The following RMDN2 variants were observed in gnomAD, a reference collection of about 807,000 sequenced individuals.
RMDN2 encodes regulator of microtubule dynamics protein 2.
Under a neutral mutation model 52.8 loss-of-function variants are expected in RMDN2, and 61 were observed. The observed-to-expected ratio is 1.16, with a 90% CI of 0.94 to 1.43. RMDN2 has a LOEUF of 1.43. Ranked by LOEUF, RMDN2 falls within the 40% of genes most tolerant of loss-of-function variation. RMDN2 has a pLI of 0.00. For missense variants in RMDN2, 592 were observed against 475.3 expected (o/e 1.25, Z -2.28); for synonymous variants, 180 against 153.1 (o/e 1.18, Z -1.30).
intron 2 of RMDN2, among the ~76,000 whole-genome samples, chr2:37,941,976 G>A (rs909032592): frequency 4.6e-5 from 7 of 152,006 alleles, no homozygotes; most frequent in East Asian, 1.9e-4. Flanking sequence ...CAGCTAGCTC[G>A]GTATCTGCCC....
chr2:37,971,949 A>G (rs143342127), intron 2 of RMDN2, among the ~76,000 whole-genome samples: 1 of 152,316 alleles, frequency 6.6e-6, no homozygotes, highest in East Asian at 1.9e-4. Context: ...GAATTCACAT[A>G]TTTATGATAT....
At chr2:37,936,720 GC>G (rs887593878) in intron 2 of RMDN2, among the ~76,000 whole-genome samples, 10 of 152,098 alleles carry the variant, frequency 6.6e-5, no homozygotes, top group Non-Finnish European at 1.5e-5. Context: ...TATATCCTTT[GC>G]CCACTTTTTG....
At chr2:38,031,522 A>C (rs1680203665) in intron 10 of RMDN2, among the ~76,000 whole-genome samples, 2 of 152,108 alleles carry the variant, frequency 1.3e-5, no homozygotes, top group African/African-American at 4.8e-5. Context: ...TTTACATTTC[A>C]TAAAGTAGTT....
chr2:37,964,009 G>C (rs538603895), intron 2 of RMDN2, among the ~76,000 whole-genome samples: 1 of 147,444 alleles, frequency 6.8e-6, no homozygotes, highest in Non-Finnish European at 1.5e-5. Flanking sequence ...CCTCCCTCCC[G>C]GACGGGGCGG....
Position 37,959,926 on chromosome 2 carries a change from G to A in RMDN2, c.453-14114G>A, listed in dbSNP as rs1226397441. 2.0e-5 allele frequency among the ~76,000 whole-genome samples: 3 copies of A among 151,438 alleles called. No homozygotes were observed. In the South Asian group the frequency reaches 6.2e-4, roughly 31 times the overall value. Reference sequence around the variant, plus strand: ...TCACCCAGTAGTGATTCAGGAGCATGTTTTTCCATTTCCATGTAGTTGTGC... The same window carrying A: ...TCACCCAGTAGTGATTCAGGAGCATATTTTTCCATTTCCATGTAGTTGTGC... On this transcript the variant is annotated intron_variant, in intron 2 of 10. Transcript: ENST00000354545.
intron 10 of RMDN2, among the ~76,000 whole-genome samples, chr2:38,052,385 T>C (rs1483896740): frequency 2.0e-5 from 3 of 152,240 alleles, no homozygotes; most frequent in Non-Finnish European, 4.4e-5. Flanking sequence ...GGTGGTTTTC[T>C]TTCTGTTTTG....
chr2:38,042,826 T>C (rs754807484), intron 10 of RMDN2, among the ~76,000 whole-genome samples: 23 of 152,344 alleles, frequency 1.5e-4, no homozygotes, highest in Admixed American at 2.6e-4. Flanking sequence ...CTTTCTGTTA[T>C]TCATTTTTAG....
At chr2:37,992,890 C>T (rs1191454589) in intron 7 of RMDN2, among the ~76,000 whole-genome samples, 1 of 152,012 alleles carries the variant, frequency 6.6e-6, no homozygotes, top group Non-Finnish European at 1.5e-5. Context: ...GAACAGGATT[C>T]AAACACAAGC....
intron 1 of RMDN2, chr2:37,928,969 A>G (rs1447291177): frequency 1.1e-5 from 2 of 187,272 alleles, no homozygotes; most frequent in East Asian, 1.4e-4. Flanking sequence ...TTTTATCTCT[A>G]TTATTGTCTT....
At chr2:38,043,383 A>G (rs1284955975) in intron 10 of RMDN2, among the ~76,000 whole-genome samples, 1 of 152,078 alleles carries the variant, frequency 6.6e-6, no homozygotes. Context: ...CTGTGTCTTT[A>G]TATTTAGTGT....
chr2:37,961,553 T>C (rs1670241900), intron 2 of RMDN2, among the ~76,000 whole-genome samples: 1 of 152,028 alleles, frequency 6.6e-6, no homozygotes, highest in Non-Finnish European at 1.5e-5. Flanking sequence ...TCATTTATGT[T>C]CTTCCCTAAA....
intron 4 of RMDN2, among the ~76,000 whole-genome samples, chr2:37,979,114 G>C (rs1366776935): frequency 6.6e-6 from 1 of 152,132 alleles, no homozygotes; most frequent in Non-Finnish European, 1.5e-5. Flanking sequence ...AAAAGCCTCC[G>C]ATGTGTTCAT....
At chr2:37,924,998 G>A (rs1046654069), upstream of RMDN2, among the ~76,000 whole-genome samples, 2 of 152,224 alleles carry the variant, frequency 1.3e-5, no homozygotes, top group Non-Finnish European at 2.9e-5. Context: ...CCGGAACGAA[G>A]CGAGCTGGCG....
intron 2 of RMDN2, chr2:37,952,131 G>GAAGATGAAGACTTTGCTGTCTTGTTTC: frequency 6.2e-7 from 1 of 1,613,108 alleles, no homozygotes; most frequent in Non-Finnish European, 8.5e-7. Flanking sequence ...AGGCCTGTTT[G>GAAGATGAAGACTTTGCTGTCTTGTTTC]AAGATGAAGA....
chr2:38,009,033 C>A lies in RMDN2; in HGVS notation c.1179+4817C>A, dbSNP rs189822513. On this transcript the variant is annotated intron_variant, in intron 10 of 10. Coordinates refer to ENST00000354545, the MANE Select transcript of RMDN2 (RefSeq NM_001170791.3). ...TCTTTAAGAATGTGGAATATTGGCCCCCACTCTCTTCTGGCTTGTAGAGTT... is the reference window on the plus strand; with the variant it reads ...TCTTTAAGAATGTGGAATATTGGCCACCACTCTCTTCTGGCTTGTAGAGTT... Among the ~76,000 whole-genome samples, 1,070 of 152,244 alleles carry A rather than the reference C, an allele frequency of 7.0e-3. 11 individuals carry two copies. The highest frequency in any genetic ancestry group is 0.02 in the African/African-American group (827 of 41,536).
At chr2:37,998,464 C>G (rs80347204) in intron 8 of RMDN2, 1 of 151,980 alleles carries the variant, frequency 6.6e-6, no homozygotes, top group African/African-American at 2.4e-5. Context: ...AGTTCAAGGC[C>G]GCAGTGAGCC....
In RMDN2 at chr2:37,951,372, C is replaced by A. The variant is rs752203212; in HGVS notation, c.452+21643C>A. On this transcript the variant is annotated intron_variant, in intron 2 of 10. Transcript: ENST00000354545. ...TAAAACATCTTATTCCCCTGTAACA[C>A]ATAAAGTCAATGCAGCCAAAGCAAG... The A allele has an allele frequency of 1.2e-6, 2 of 1,613,208 alleles. No individual in the cohort carries two copies. The highest frequency in any genetic ancestry group is 4.5e-5 in the East Asian group (2 of 44,882).
intron 8 of RMDN2, among the ~76,000 whole-genome samples, chr2:37,999,233 C>T (rs6544130): frequency 0.55 from 84,277 of 151,884 alleles, 24,279 homozygotes; most frequent in East Asian, 0.89. Context: ...AATCTCAGCT[C>T]TACCACTTAC....
chr2:37,929,170 A>G, intron 1 of RMDN2, 92 bp from the exon 2 acceptor site: 1 of 715,944 alleles, frequency 1.4e-6, no homozygotes, highest in South Asian at 2.0e-5. Flanking sequence ...TGTGATGTAA[A>G]CTTGGCTTTT....
Sources: allele counts gnomAD v4.1 joint callset (sites outside exome capture counted in the v4.1 genomes callset), GRCh38; gene constraint gnomAD v4.1.1; transcripts MANE v1.5; gene names NCBI Gene and HGNC (gene_info 2026-07-23, HGNC 2026-07-21).